SEMA6A: variants seen among roughly 807,000 people sequenced by gnomAD.
The protein encoded by SEMA6A is semaphorin 6A, also known as semaphorin-6A.
Under a neutral mutation model 96.8 loss-of-function variants are expected in SEMA6A, and 25 were observed. The observed-to-expected ratio is 0.26, with a 90% confidence interval of 0.19 to 0.36. The LOEUF is 0.36. Ranked by LOEUF, SEMA6A falls within the 10% of genes least tolerant of loss-of-function variation. The pLI, the probability that SEMA6A is intolerant of heterozygous loss-of-function variation, is 1.00. For synonymous variants in SEMA6A, 612 were observed against 518.0 expected (o/e 1.18, Z -2.46); for missense variants, 1,363 against 1,323.1 (o/e 1.03, Z -0.47).
intron 1 of SEMA6A, among the ~76,000 whole-genome samples, chr5:116,537,453 G>A (rs932269289): frequency 6.6e-6 from 1 of 152,112 alleles, no homozygotes; most frequent in Non-Finnish European, 1.5e-5. Flanking sequence ...ACCAGGTCAG[G>A]GGTTCTAGCA....
At chr5:116,476,254 T>A (rs926452151) in intron 15 of SEMA6A, among the ~76,000 whole-genome samples, 32 of 152,202 alleles carry the variant, frequency 2.1e-4, no homozygotes, top group African/African-American at 7.2e-4. Flanking sequence ...AACATGACAT[T>A]AACAAAACCA....
At chr5:116,550,835 A>T (rs1760374046) in intron 1 of SEMA6A, among the ~76,000 whole-genome samples, 1 of 152,186 alleles carries the variant, frequency 6.6e-6, no homozygotes, top group Non-Finnish European at 1.5e-5. Flanking sequence ...ACTGATCATC[A>T]CAATCACCTG....
chr5:116,459,312 A>G (rs1409723352), intron 18 of SEMA6A, among the ~76,000 whole-genome samples: 1 of 152,158 alleles, frequency 6.6e-6, no homozygotes, highest in African/African-American at 2.4e-5. Flanking sequence ...GTAATTAATA[A>G]CCTAATATGA....
intron 9 of SEMA6A, chr5:116,487,222 A>G (rs1757098186): frequency 2.4e-6 from 1 of 420,552 alleles, no homozygotes; most frequent in East Asian, 4.7e-5. Flanking sequence ...TCCGAGCCAC[A>G]TAAAGTCATT....
intron 1 of SEMA6A, among the ~76,000 whole-genome samples, chr5:116,541,341 CTTAT>C (rs1759955834): frequency 6.6e-6 from 1 of 151,974 alleles, no homozygotes; most frequent in Non-Finnish European, 1.5e-5. Flanking sequence ...CACCAAAATT[CTTAT>C]TTATTTTTTT....
chr5:116,487,028 G>A, intron 9 of SEMA6A, 62 bp from the exon 10 acceptor site: 1 of 1,173,900 alleles, frequency 8.5e-7, no homozygotes, highest in Non-Finnish European at 1.3e-6. Context: ...GATCTTAGTA[G>A]AATCTGCATT....
At chr5:116,552,409 T>C (rs115216998) in intron 1 of SEMA6A, among the ~76,000 whole-genome samples, 3,964 of 151,960 alleles carry the variant, frequency 0.026, 76 homozygotes, top group African/African-American at 0.034. Flanking sequence ...GCCACAGAGG[T>C]CTATGGGAAT....
intron 1 of SEMA6A, among the ~76,000 whole-genome samples, chr5:116,526,912 G>A (rs1759253842): frequency 6.6e-6 from 1 of 152,174 alleles, no homozygotes; most frequent in South Asian, 2.1e-4. Context: ...CCCTGACCTA[G>A]TTACATTGCT....
chr5:116,477,867 C>G lies in SEMA6A; in HGVS notation c.1628G>C (p.Ser543Thr), dbSNP rs1272352243. The change falls in exon 15 of 19, where the codon AGC becomes ACC. Residue 543 changes from serine to threonine, a missense_variant. Physicochemically the swap from Ser to Thr is moderately conservative, Grantham distance 58 (BLOSUM62 1). Coordinates refer to ENST00000343348, the MANE Select transcript of SEMA6A (RefSeq NM_020796.5). Reference protein sequence around the residue: ...CGWIKEGGACSHLSPNSRLTF... With the variant: ...CGWIKEGGACTHLSPNSRLTF... Reference sequence around the variant, plus strand: ...CTACCTGCTGTTGGGTGATAAATGGCTGCAGGCACCACCTTCCTTTATCCA... The same window carrying G: ...CTACCTGCTGTTGGGTGATAAATGGGTGCAGGCACCACCTTCCTTTATCCA... The G allele has an allele frequency of 1.9e-6, 3 of 1,613,948 alleles. No homozygotes were observed. Among genetic ancestry groups the G allele is most frequent in the Non-Finnish European group, 1.7e-6 (2 of 1,179,874 alleles).
At position 116,574,433 on chromosome 5, in the gene SEMA6A, G is replaced by T. The variant is rs887742480; in HGVS notation, c.-287C>A. The T allele has an allele frequency of 1.4e-5, 2 of 147,478 alleles. No individual in the cohort carries two copies. The highest frequency in any genetic ancestry group is 5.0e-5 in the African/African-American group (2 of 40,098). 9.1% of individuals were successfully genotyped at this position (147,478 alleles called of 1,614,324 possible). On this transcript the variant is annotated 5_prime_UTR_variant, in exon 1 of 19. Transcript: ENST00000343348. ...GAGCGGAGAAGGGGAGAGGAAAAAA[G>T]AAGCCAAAAAAAAAAAGAAGAAAAA...
intron 18 of SEMA6A, among the ~76,000 whole-genome samples, chr5:116,458,969 A>G (rs114639197): frequency 2.7e-3 from 406 of 152,266 alleles, no homozygotes; most frequent in Non-Finnish European, 4.5e-3. Context: ...CTTGCTCACA[A>G]TATCATTTTC....
intron 18 of SEMA6A, among the ~76,000 whole-genome samples, chr5:116,464,935 C>T (rs1336119073): frequency 6.6e-6 from 1 of 152,054 alleles, no homozygotes; most frequent in African/African-American, 2.4e-5. Context: ...CACTTGACTC[C>T]TCAGTGAGCT....
At chr5:116,522,417 A>G (rs978556820) in intron 1 of SEMA6A, among the ~76,000 whole-genome samples, 6 of 152,190 alleles carry the variant, frequency 3.9e-5, no homozygotes, top group African/African-American at 1.4e-4. Flanking sequence ...CAGCCAATAG[A>G]AATATTCTGG....
At chr5:116,507,500 A>G (rs1202250846) in intron 1 of SEMA6A, among the ~76,000 whole-genome samples, 2 of 152,232 alleles carry the variant, frequency 1.3e-5, no homozygotes, top group Admixed American at 6.5e-5. Flanking sequence ...GCCCAGGAGA[A>G]CAAAAACCAG....
At chr5:116,472,738 C>T (rs928374040) in intron 17 of SEMA6A, 14 of 598,968 alleles carry the variant, frequency 2.3e-5, no homozygotes, top group African/African-American at 5.8e-5. Flanking sequence ...TTTTGAAGGA[C>T]GGTGAAATTA....
rs1438945171 is a variant in SEMA6A, at chr5:116,443,637, CTT to C, written c.*2974_*2975del. ...TTTCTTTTTTCCCTTTTTTTCTTTT[CTT>C]TTTTCTTTTCTTACAACATACATTA... On this transcript the variant is annotated 3_prime_UTR_variant, in exon 19 of 19. Transcript: ENST00000343348. 2 of 151,222 alleles carry C rather than the reference CTT, an allele frequency of 1.3e-5. No individual in the cohort carries two copies. Among genetic ancestry groups the C allele is most frequent in the Non-Finnish European group, 3.0e-5 (2 of 67,650 alleles). 9.4% of individuals were successfully genotyped at this position (151,222 alleles called of 1,614,324 possible). A position where few individuals can be genotyped will look rare whatever the true frequency, so the allele number is the denominator to read the frequency against.
chr5:116,568,113 A>G (rs1302978254), intron 1 of SEMA6A, among the ~76,000 whole-genome samples: 1 of 152,200 alleles, frequency 6.6e-6, no homozygotes, highest in African/African-American at 2.4e-5. Flanking sequence ...TATTCTACCA[A>G]AAATAATTTA....
intron 1 of SEMA6A, among the ~76,000 whole-genome samples, chr5:116,560,197 A>C (rs1257145791): frequency 1.3e-5 from 2 of 152,202 alleles, no homozygotes; most frequent in Non-Finnish European, 2.9e-5. Context: ...AATGGAGCCC[A>C]GCCTGACCTC....
chr5:116,473,072 C>A lies in SEMA6A; in HGVS notation c.1729+1G>T. The A allele has an allele frequency of 6.3e-7, 1 of 1,593,764 alleles. No homozygotes were observed. The highest frequency in any genetic ancestry group is 8.6e-7 in the Non-Finnish European group (1 of 1,169,138). The stretch of plus-strand genomic sequence containing the variant: ...AATTATGAGAGTAATATCTTCCTTA[C>A]CATTCAGTGCCACAAAGGAATCTGA... On this transcript the variant is annotated splice_donor_variant, in intron 17 of 18. Transcript: ENST00000343348. LOFTEE classifies it high-confidence loss of function.
Sources: gnomAD v4.1 joint callset for allele counts (sites outside exome capture counted in the v4.1 genomes callset) on GRCh38, gnomAD v4.1.1 for gene constraint, MANE v1.5 for transcripts, NCBI Gene and HGNC (gene_info 2026-07-23, HGNC 2026-07-21) for gene names.